Variants in TSHZ2 observed in about 807,000 individuals in gnomAD.
TSHZ2 encodes the protein teashirt zinc finger homeobox 2.
A neutral mutation model predicts 74.4 loss-of-function variants in TSHZ2; 21 were observed. That is an observed-to-expected ratio of 0.28 (90% confidence interval 0.20 to 0.41). The LOEUF is 0.41. Ranked by LOEUF, TSHZ2 falls within the 10% of genes least tolerant of loss-of-function variation. The pLI is 1.00. For synonymous variants in TSHZ2, 540 were observed against 515.3 expected (o/e 1.05, Z -0.65); for missense variants, 1,244 against 1,293.5 (o/e 0.96, Z 0.59).
intron 1 of TSHZ2, among the ~76,000 whole-genome samples, chr20:53,201,030 G>GA (rs1022732816): frequency 8.6e-5 from 13 of 150,336 alleles, no homozygotes; most frequent in Non-Finnish European, 1.5e-4. Flanking sequence ...TTTTTTTTAA[G>GA]AAAAAAAGAA....
intron 2 of TSHZ2, among the ~76,000 whole-genome samples, chr20:53,310,807 G>A (rs919589730): frequency 6.6e-6 from 1 of 152,134 alleles, no homozygotes; most frequent in Non-Finnish European, 1.5e-5. Flanking sequence ...TCACCATCCA[G>A]TGCATTATAA....
intron 1 of TSHZ2, among the ~76,000 whole-genome samples, chr20:53,079,747 C>T (rs989606607): frequency 3.9e-5 from 6 of 152,118 alleles, no homozygotes; most frequent in Non-Finnish European, 8.8e-5. Flanking sequence ...CCACTCTATA[C>T]CCTTTATCTC....
intron 1 of TSHZ2, among the ~76,000 whole-genome samples, chr20:53,128,050 C>A (rs929272284): frequency 6.6e-6 from 1 of 151,996 alleles, no homozygotes; most frequent in Non-Finnish European, 1.5e-5. Flanking sequence ...TGGCTTTAAT[C>A]GTAAAACTTG....
chr20:53,467,033 A>C (rs886414192), intron 2 of TSHZ2, among the ~76,000 whole-genome samples: 10 of 152,202 alleles, frequency 6.6e-5, no homozygotes, highest in African/African-American at 1.9e-4. Flanking sequence ...TTTCTTAGCC[A>C]ATCCAAGGCT....
At chr20:53,406,538 T>C (rs1034968524) in intron 2 of TSHZ2, among the ~76,000 whole-genome samples, 1 of 152,052 alleles carries the variant, frequency 6.6e-6, no homozygotes, top group African/African-American at 2.4e-5. Context: ...GAGTCCCTGG[T>C]ATGGCAGGTG....
intron 2 of TSHZ2, among the ~76,000 whole-genome samples, chr20:53,469,345 A>G (rs1985683523): frequency 6.6e-6 from 1 of 151,684 alleles, no homozygotes. Flanking sequence ...GAAGTTCAAG[A>G]CCAGCCTGGC....
At position 53,393,340 on chromosome 20, in the gene TSHZ2, G is replaced by A. The variant is rs890312387; in HGVS notation, c.*9-93804G>A. Among the ~76,000 whole-genome samples the A allele has an allele frequency of 2.0e-5, 3 of 152,188 alleles. No homozygotes were observed. The South Asian group carries it at 6.2e-4, about 32-fold the overall frequency. On this transcript the variant is annotated intron_variant, in intron 2 of 2. Coordinates refer to ENST00000371497, the MANE Select transcript of TSHZ2 (RefSeq NM_173485.6). ...ACCCACCAACATAAAATTATTAAAAGAGGGCAAGTGTTGGCATCCAACAGA... is the reference window on the plus strand; with the variant it reads ...ACCCACCAACATAAAATTATTAAAAAAGGGCAAGTGTTGGCATCCAACAGA...
At chr20:53,045,760 A>G (rs1039820102) in intron 1 of TSHZ2, among the ~76,000 whole-genome samples, 3 of 152,150 alleles carry the variant, frequency 2.0e-5, no homozygotes, top group Non-Finnish European at 4.4e-5. Flanking sequence ...GTAATCCCGG[A>G]GGGATGTGGT....
intron 1 of TSHZ2, among the ~76,000 whole-genome samples, chr20:53,012,407 A>G (rs182305023): frequency 5.4e-4 from 82 of 152,184 alleles, no homozygotes; most frequent in African/African-American, 1.8e-3. Flanking sequence ...CATCGTCTGG[A>G]TTTGTTAGGA....
intron 1 of TSHZ2, among the ~76,000 whole-genome samples, chr20:53,117,771 T>C (rs931440670): frequency 6.6e-6 from 1 of 152,164 alleles, no homozygotes; most frequent in Admixed American, 6.5e-5. Context: ...AAAAAGCAAG[T>C]GCATTCAAGG....
At chr20:53,482,756 A>G (rs900347677) in intron 2 of TSHZ2, among the ~76,000 whole-genome samples, 1 of 151,946 alleles carries the variant, frequency 6.6e-6, no homozygotes, top group African/African-American at 2.4e-5. Context: ...ATACAAAAAA[A>G]TTAGCCAGGT....
intron 1 of TSHZ2, among the ~76,000 whole-genome samples, chr20:53,005,919 A>G (rs879315788): frequency 4.6e-5 from 7 of 152,244 alleles, no homozygotes; most frequent in Non-Finnish European, 8.8e-5. Context: ...TAATCCCAAG[A>G]GAAGAATCTT....
intron 1 of TSHZ2, among the ~76,000 whole-genome samples, chr20:53,018,341 C>T (rs532205758): frequency 2.0e-5 from 3 of 152,136 alleles, no homozygotes; most frequent in East Asian, 1.9e-4. Flanking sequence ...TACCAAGTTC[C>T]CAAACCATTA....
chr20:53,392,892 C>T (rs947613595), intron 2 of TSHZ2, among the ~76,000 whole-genome samples: 29 of 151,972 alleles, frequency 1.9e-4, no homozygotes, highest in African/African-American at 6.5e-4. Context: ...TGGAGCACAG[C>T]GGCATGATCT....
chr20:53,302,948 AT>A (rs761662302), intron 2 of TSHZ2, among the ~76,000 whole-genome samples: 15 of 152,210 alleles, frequency 9.9e-5, no homozygotes, highest in Non-Finnish European at 1.9e-4. Flanking sequence ...GTCATAGCTA[AT>A]TTCCACACGC....
intron 2 of TSHZ2, among the ~76,000 whole-genome samples, chr20:53,427,476 C>T (rs6013681): frequency 0.016 from 2,418 of 149,996 alleles, 72 homozygotes; most frequent in African/African-American, 0.055. Context: ...GGGAAAAAAA[C>T]TGTGGAAGTT....
At position 53,218,338 on chromosome 20, in the gene TSHZ2, G is replaced by A. The variant is rs73272821; in HGVS notation, c.41-35161G>A. Among the ~76,000 whole-genome samples the A allele has an allele frequency of 8.8e-3, 1,344 of 152,348 alleles. 24 individuals carry two copies. The highest frequency in any genetic ancestry group is 0.031 in the African/African-American group (1,298 of 41,584). On this transcript the variant is annotated intron_variant, in intron 1 of 2. Coordinates refer to ENST00000371497, the MANE Select transcript of TSHZ2 (RefSeq NM_173485.6). Reference sequence around the variant, plus strand: ...GGAAACATTGAGATGCATTAAGCAAGATCAAACTTTACAACAGTTGGCACA... The same window carrying A: ...GGAAACATTGAGATGCATTAAGCAAAATCAAACTTTACAACAGTTGGCACA...
chr20:53,015,428 G>A (rs766908782), intron 1 of TSHZ2, among the ~76,000 whole-genome samples: 21 of 151,938 alleles, frequency 1.4e-4, no homozygotes, highest in African/African-American at 1.9e-4. Flanking sequence ...GCTGCCAAAC[G>A]TTCTACAATA....
intron 1 of TSHZ2, among the ~76,000 whole-genome samples, chr20:53,229,653 TC>T (rs1326434344): frequency 5.3e-5 from 8 of 151,964 alleles, no homozygotes; most frequent in Admixed American, 5.2e-4. Context: ...TCACCCTCAT[TC>T]CCCTCAGCTC....
Sources: allele counts gnomAD v4.1 joint callset (sites outside exome capture counted in the v4.1 genomes callset), GRCh38; gene constraint gnomAD v4.1.1; transcripts MANE v1.5; gene names NCBI Gene and HGNC (gene_info 2026-07-23, HGNC 2026-07-21).